GPSM1: variants seen among roughly 807,000 people sequenced by gnomAD.
GPSM1 encodes the protein G protein-signaling modulator 1.
A neutral mutation model predicts 70.5 loss-of-function variants in GPSM1; 48 were observed. The ratio of observed to expected loss-of-function variants is 0.68; its 90% CI spans 0.54 to 0.87. The LOEUF is 0.87. Among genes scored for constraint, GPSM1 ranks in the 40% least tolerant of loss-of-function variants. The pLI, the probability that GPSM1 is intolerant of heterozygous loss-of-function variation, is 0.00. For missense variants in GPSM1, 981 were observed against 972.6 expected, an observed-to-expected ratio of 1.01 and a Z score of -0.11; for synonymous variants, 416 against 430.1, an observed-to-expected ratio of 0.97 and a Z score of 0.41.
chr9:136,356,243 T>G (rs1832818385), intron 12 of GPSM1, 99 bp from the exon 13 acceptor site: 1 of 927,598 alleles, frequency 1.1e-6, no homozygotes, highest in Non-Finnish European at 1.6e-6. Flanking sequence ...CACAGTGGGC[T>G]GGGCTGGGCT....
At chr9:136,345,562 C>T (rs989242746) in intron 9 of GPSM1, among the ~76,000 whole-genome samples, 3 of 152,220 alleles carry the variant, frequency 2.0e-5, no homozygotes, top group African/African-American at 4.8e-5. Flanking sequence ...CCCATCCATG[C>T]GGTGTCCTGG....
chr9:136,355,676 C>T lies in GPSM1; in HGVS notation c.1456-14C>T. ...GGGCTAGCTTTGGCTGCGGTGACCC[C>T]ACTCCCTCCCCAGAGCATCCCGAGG... On this transcript the variant is annotated splice_polypyrimidine_tract_variant and intron_variant, in intron 11 of 13. Transcript: ENST00000440944. 6.2e-7 allele frequency: 1 copy of T among 1,610,166 alleles called. No homozygotes were observed. The highest frequency in any genetic ancestry group is 8.5e-7 in the Non-Finnish European group (1 of 1,178,282).
Position 136,357,274 on chromosome 9 carries a change from G to A in GPSM1, c.1821+724G>A, listed in dbSNP as rs115908266. Among the ~76,000 whole-genome samples the A allele has an allele frequency of 2.0e-5, 3 of 152,174 alleles. 1 individual carries two copies. Among genetic ancestry groups the A allele is most frequent in the Non-Finnish European group, 1.5e-5 (1 of 68,008 alleles). On this transcript the variant is annotated intron_variant, in intron 13 of 13. Transcript: ENST00000440944. ...TGGGAACAGGCTGGGGGTGGAGGCC[G>A]CTTGGCCCACCACGAACCAAGCCAG...
intron 4 of GPSM1, 78 bp downstream of exon 4, chr9:136,337,150 G>A (rs1832261049): frequency 4.5e-6 from 6 of 1,329,294 alleles, no homozygotes; most frequent in Admixed American, 2.4e-5. Context: ...CCAGACCCCC[G>A]ACCCCAGCCC....
Position 136,341,663 on chromosome 9 carries a change from C to G in GPSM1, c.1207+670C>G. 2 of 997,456 alleles carry G rather than the reference C, an allele frequency of 2.0e-6. No individual in the cohort carries two copies. Among genetic ancestry groups the G allele is most frequent in the South Asian group, 8.8e-5 (2 of 22,728 alleles). 61.8% of individuals were successfully genotyped at this position (997,456 alleles called of 1,614,324 possible). A position where few individuals can be genotyped will look rare whatever the true frequency, so the allele number is the denominator to read the frequency against. On this transcript the variant is annotated intron_variant, in intron 9 of 13. Transcript: ENST00000440944. This position sits in a 1 kb window ranked among gnomAD's most constrained non-coding sequence, Gnocchi z 6.7. Reference sequence around the variant, plus strand: ...TGCCCCACCCATGTGTCCCCCACTCCCAAAGGTCTTGAGTTTGCCAGCCCC... The same window carrying G: ...TGCCCCACCCATGTGTCCCCCACTCGCAAAGGTCTTGAGTTTGCCAGCCCC...
At position 136,348,766 on chromosome 9, in the gene GPSM1, G is replaced by C; in HGVS notation, c.1277G>C (p.Arg426Pro). ...GACCTGCTGAGACTCCCCCTGGAGC[G>C]GGTGAGCCAGGGACACGGGACCGAT... ...TWDLLRLPLEREQNGDSHHSG... is the reference protein window; with the variant it reads ...TWDLLRLPLEPEQNGDSHHSG... The change falls in exon 10 of 14, where the codon CGG (arginine) becomes CCG (proline). Residue 426 changes from arginine to proline, a missense_variant and splice_region_variant. Transcript: ENST00000440944. The C allele has an allele frequency of 1.9e-6, 3 of 1,608,354 alleles. No individual in the cohort carries two copies. The highest frequency in any genetic ancestry group is 2.6e-6 in the Non-Finnish European group (3 of 1,176,246).
intron 13 of GPSM1, among the ~76,000 whole-genome samples, 174 bp from the exon 14 acceptor site, chr9:136,357,840 C>T (rs1186466327): frequency 6.6e-6 from 1 of 152,196 alleles, no homozygotes; most frequent in Non-Finnish European, 1.5e-5. Flanking sequence ...CGCTCAGGGC[C>T]CGGGCTCCCA....
Position 136,358,384 on chromosome 9 carries a change from T to A in GPSM1, c.*164T>A. The A allele has an allele frequency of 1.5e-6, 1 of 661,104 alleles. No homozygotes were observed. The highest frequency in any genetic ancestry group is 2.5e-6 in the Non-Finnish European group (1 of 395,714). 41.0% of individuals were successfully genotyped at this position (661,104 alleles called of 1,614,324 possible). On this transcript the variant is annotated 3_prime_UTR_variant, in exon 14 of 14. Coordinates refer to ENST00000440944, the MANE Select transcript of GPSM1 (RefSeq NM_001145638.3). The stretch of plus-strand genomic sequence containing the variant: ...CAGGCTCAGGCCAAGCTGCCCGTGG[T>A]GGGAGGGCGTGCTTCCATCCCGGGC...
chr9:136,340,933 G>T lies in GPSM1; in HGVS notation c.1147G>T (p.Gly383Cys), dbSNP rs200756659. The T allele has an allele frequency of 1.3e-6, 2 of 1,567,616 alleles. No homozygotes were observed. The highest frequency in any genetic ancestry group is 4.7e-5 in the East Asian group (2 of 42,192). The change falls in exon 9 of 14, where the codon GGC becomes TGC. Residue 383 changes from glycine (G) to cysteine (C), a missense_variant. Gly to Cys is a radical substitution (Grantham distance 159). Coordinates refer to ENST00000440944, the MANE Select transcript of GPSM1 (RefSeq NM_001145638.3). The surrounding 1 kb of genome is among the most constrained non-coding windows in gnomAD (Gnocchi z 7.3). ...CGTGGCGCAGCTGCAGCTGGTGCTC[G>T]GCCGCCTGACCAGCCCGGCAGCCTC... ...MNVAQLQLVL[G>C]RLTSPAASEK...
In GPSM1 at chr9:136,358,324, G is replaced by A. The variant is rs534786015; in HGVS notation, c.*104G>A. 1.9e-6 allele frequency: 2 copies of A among 1,080,808 alleles called. No individual in the cohort carries two copies. The highest frequency in any genetic ancestry group is 2.6e-5 in the East Asian group (1 of 38,088). The allele number at this position is 1,080,808 out of a possible 1,614,324, so 67.0% of individuals were successfully genotyped here. A position where few individuals can be genotyped will look rare whatever the true frequency, so the allele number is the denominator to read the frequency against. On this transcript the variant is annotated 3_prime_UTR_variant, in exon 14 of 14. Transcript: ENST00000440944. ...GGCCATTGCCGAGGACAGGCACTGG[G>A]CATGCAGCCCCACGGCCTCCCCGAC...
chr9:136,358,776 CCACG>C lies in GPSM1; in HGVS notation c.*559_*562del. On this transcript the variant is annotated 3_prime_UTR_variant, in exon 14 of 14. Transcript: ENST00000440944. ...CAGCAACCACAGAAGGCCCCCCAGA[CCACG>C]CATGGCAGACCAGGCTGCAGTGGCA... 6.0e-6 allele frequency: 1 copy of C among 167,852 alleles called. No homozygotes were observed. 10.4% of individuals were successfully genotyped at this position (167,852 alleles called of 1,614,324 possible). A position where few individuals can be genotyped will look rare whatever the true frequency, so the allele number is the denominator to read the frequency against.
Position 136,337,837 on chromosome 9 carries a change from T to C in GPSM1, c.703-9T>C. ...CCATGACCACCTGGCCTCCGGTGTG[T>C]CTCCGCAGCGCCTGGCCATTGCTAA... On this transcript the variant is annotated splice_polypyrimidine_tract_variant and intron_variant, in intron 5 of 13. Coordinates refer to ENST00000440944, the MANE Select transcript of GPSM1 (RefSeq NM_001145638.3). 6.3e-7 allele frequency: 1 copy of C among 1,599,758 alleles called. No individual in the cohort carries two copies. Among genetic ancestry groups the C allele is most frequent in the African/African-American group, 1.3e-5 (1 of 74,734 alleles).
At chr9:136,356,169 G>C (rs960383106) in intron 12 of GPSM1, among the ~76,000 whole-genome samples, 173 bp from the exon 13 acceptor site, 9 of 152,144 alleles carry the variant, frequency 5.9e-5, no homozygotes, top group African/African-American at 9.7e-5. Context: ...CACAGCAGGG[G>C]GAGCAGCTGA....
chr9:136,329,061 G>A (rs1406303147), intron 1 of GPSM1, among the ~76,000 whole-genome samples: 1 of 152,184 alleles, frequency 6.6e-6, no homozygotes, highest in African/African-American at 2.4e-5. Context: ...CTGCACAGCT[G>A]ACCATAGAGT....
intron 1 of GPSM1, among the ~76,000 whole-genome samples, chr9:136,332,346 C>T (rs1554768606): frequency 1.3e-5 from 2 of 152,218 alleles, no homozygotes; most frequent in Non-Finnish European, 2.9e-5. Flanking sequence ...GTGCACCCAT[C>T]CCCGACTTTT....
chr9:136,340,990 C>T lies in GPSM1; in HGVS notation c.1204C>T (p.Gln402Ter). 1 of 1,566,936 alleles carries T rather than the reference C, an allele frequency of 6.4e-7. No individual in the cohort carries two copies. The highest frequency in any genetic ancestry group is 8.6e-7 in the Non-Finnish European group (1 of 1,156,370). Residue 402 changes from glutamine (Q) to a stop codon, truncating the protein, a stop_gained, in exon 9 of 14, where the codon CAG becomes TAG. Coordinates refer to ENST00000440944, the MANE Select transcript of GPSM1 (RefSeq NM_001145638.3). LOFTEE classifies it high-confidence loss of function. The surrounding 1 kb of genome is among the most constrained non-coding windows in gnomAD (Gnocchi z 7.3). ...GCCTGACCTGGCCGGCTATGAGGCC[C>T]AGGGTGAGTTCCAGGGTTGTGGGGG... is the stretch of plus-strand genomic sequence containing the variant. The part of the protein sequence containing the change: ...EKPDLAGYEA[Q>*]GARPKRTQRL...
rs781858638 is a variant in GPSM1, at chr9:136,356,499, C to A, written c.1770C>A (p.Gly590=). The change falls in exon 13 of 14, where the codon GGC becomes GGA. Residue 590 remains glycine, a synonymous_variant. Coordinates refer to ENST00000440944, the MANE Select transcript of GPSM1 (RefSeq NM_001145638.3). ...HSNAGHLRGH[G]EPQEPGDDFF... Reference sequence around the variant, plus strand: ...ATGCAGGGCACCTCCGAGGCCACGGCGAGCCCCAGGAGCCGGGGGACGACT... The same window carrying A: ...ATGCAGGGCACCTCCGAGGCCACGGAGAGCCCCAGGAGCCGGGGGACGACT... 17 of 1,611,562 alleles carry A rather than the reference C, an allele frequency of 1.1e-5. No individual in the cohort carries two copies. Among genetic ancestry groups the A allele is most frequent in the Non-Finnish European group, 1.4e-5 (16 of 1,179,276 alleles).
chr9:136,337,972 C>T lies in GPSM1; in HGVS notation c.818+11C>T. 1 of 1,539,906 alleles carries T rather than the reference C, an allele frequency of 6.5e-7. No individual in the cohort carries two copies. The highest frequency in any genetic ancestry group is 8.9e-7 in the Non-Finnish European group (1 of 1,117,876). On this transcript the variant is annotated intron_variant, in intron 6 of 13. Coordinates refer to ENST00000440944, the MANE Select transcript of GPSM1 (RefSeq NM_001145638.3). ...CGCCGAGTACTACAAGTAGGTGGTC[C>T]CCACAATCTCCCAGGGAGACAGCAG...
chr9:136,344,575 T>C (rs374947757), intron 9 of GPSM1, among the ~76,000 whole-genome samples: 14 of 152,220 alleles, frequency 9.2e-5, no homozygotes, highest in African/African-American at 3.1e-4. Flanking sequence ...TCCATTCTCA[T>C]GACCTCATGT....
Sources: gnomAD v4.1 joint callset for allele counts (sites outside exome capture counted in the v4.1 genomes callset) on GRCh38, gnomAD v4.1.1 for gene constraint, Gnocchi (gnomAD v3.1) non-coding constraint, MANE v1.5 for transcripts, NCBI Gene and HGNC (gene_info 2026-07-23, HGNC 2026-07-21) for gene names.